The following PCDHGA7 variants were observed in gnomAD, a reference collection of about 807,000 sequenced individuals.
The protein encoded by PCDHGA7 is protocadherin gamma-A7.
Under a neutral mutation model 58.3 loss-of-function variants are expected in PCDHGA7, and 44 were observed. The observed-to-expected ratio is 0.75, with a 90% CI of 0.59 to 0.97. The LOEUF (loss-of-function observed/expected upper bound fraction) is 0.97, where lower values mean the gene tolerates loss of function less well. Among genes scored for constraint, PCDHGA7 ranks in the 50% least tolerant of loss-of-function variants. The pLI is 0.00. For synonymous variants in PCDHGA7, 516 were observed against 504.2 expected, an observed-to-expected ratio of 1.02 and a Z score of -0.31; for missense variants, 1,266 against 1,188.7, an observed-to-expected ratio of 1.06 and a Z score of -0.96.
intron 1 of PCDHGA7, chr5:141,422,878 C>T: frequency 6.2e-7 from 1 of 1,614,264 alleles, no homozygotes; most frequent in African/African-American, 1.3e-5. Flanking sequence ...GTCGCTGAGC[C>T]TGTTCGTGCT....
At chr5:141,402,398 ATTG>A (rs1159125909) in intron 1 of PCDHGA7, among the ~76,000 whole-genome samples, 19 of 152,216 alleles carry the variant, frequency 1.2e-4, no homozygotes, top group African/African-American at 4.6e-4. Context: ...ACTTCAGAAA[ATTG>A]TTAAGATACA....
chr5:141,457,413 A>C (rs939244132), intron 1 of PCDHGA7, among the ~76,000 whole-genome samples: 6 of 152,142 alleles, frequency 3.9e-5, no homozygotes, highest in Non-Finnish European at 5.9e-5. Flanking sequence ...CACATTACCC[A>C]TCCCTTTTTC....
Position 141,390,256 on chromosome 5 carries a change from A to G in PCDHGA7, c.2424+4933A>G, listed in dbSNP as rs2150415347. On this transcript the variant is annotated intron_variant, in intron 1 of 3. Coordinates refer to ENST00000518325, the MANE Select transcript of PCDHGA7 (RefSeq NM_018920.4). ...TCTGGGGCCTTATTTCCACTTTGTAATTCCAGTGAATTGACTTCCCATCAG... is the reference window on the plus strand; with the variant it reads ...TCTGGGGCCTTATTTCCACTTTGTAGTTCCAGTGAATTGACTTCCCATCAG... 6 of 1,614,022 alleles carry G rather than the reference A, an allele frequency of 3.7e-6. No homozygotes were observed. The East Asian group carries it at 1.3e-4, about 36-fold the overall frequency.
chr5:141,431,879 C>T lies in PCDHGA7; in HGVS notation c.2424+46556C>T. 1 of 1,614,162 alleles carries T rather than the reference C, an allele frequency of 6.2e-7. No individual in the cohort carries two copies. The highest frequency in any genetic ancestry group is 8.5e-7 in the Non-Finnish European group (1 of 1,179,970). ...AATTGCCCTTTTAAATGTAAATGAC[C>T]AAGATTCTGAGGAAAACGGACAGGT... On this transcript the variant is annotated intron_variant, in intron 1 of 3. Coordinates refer to ENST00000518325, the MANE Select transcript of PCDHGA7 (RefSeq NM_018920.4). The surrounding 1 kb of genome is among the most constrained non-coding windows in gnomAD (Gnocchi z 4.8).
chr5:141,494,323 A>T (rs1188768690), intron 1 of PCDHGA7, among the ~76,000 whole-genome samples: 1 of 152,210 alleles, frequency 6.6e-6, no homozygotes, highest in Non-Finnish European at 1.5e-5. Flanking sequence ...CCTGGCACCA[A>T]AAGGGTTACC....
chr5:141,404,952 G>T, intron 1 of PCDHGA7: 1 of 1,614,030 alleles, frequency 6.2e-7, no homozygotes, highest in Non-Finnish European at 8.5e-7. Flanking sequence ...ATAGCTGACA[G>T]CATCCCAGAC....
chr5:141,498,971 G>GGGAAGGAAGGAAGGAAGGAA (rs201769957), intron 2 of PCDHGA7, among the ~76,000 whole-genome samples: 36 of 111,052 alleles, frequency 3.2e-4, no homozygotes, highest in African/African-American at 9.0e-4. Context: ...GAGGGAGGGA[G>GGGAAGGAAGGAAGGAAGGAA]GGAAGGAAGG....
intron 1 of PCDHGA7, among the ~76,000 whole-genome samples, chr5:141,434,345 G>C (rs1254991411): frequency 1.3e-5 from 2 of 152,144 alleles, no homozygotes; most frequent in African/African-American, 4.8e-5. Flanking sequence ...GTCGGGAACA[G>C]GCCCCCCAAA....
In PCDHGA7 at chr5:141,383,733, A is replaced by T. The variant is rs770047743; in HGVS notation, c.834A>T (p.Thr278=). 1.2e-6 allele frequency: 2 copies of T among 1,613,886 alleles called. No individual in the cohort carries two copies. Among genetic ancestry groups the T allele is most frequent in the African/African-American group, 2.7e-5 (2 of 74,948 alleles). Residue 278 remains threonine, a synonymous_variant, in exon 1 of 4, where the codon ACA becomes ACT. Transcript: ENST00000518325. ...DLDEGVNGEV[T]YSFRKITPKL... ...ACGAGGGAGTCAATGGGGAAGTGAC[A>T]TATTCTTTTCGGAAAATAACTCCTA...
chr5:141,466,148 G>A (rs1201643685), intron 1 of PCDHGA7, among the ~76,000 whole-genome samples: 1 of 151,814 alleles, frequency 6.6e-6, no homozygotes, highest in Non-Finnish European at 1.5e-5. Flanking sequence ...GAAAACTCTG[G>A]TCTTAAACTG....
rs749645155 is a variant in PCDHGA7 at position 141,414,214 on chromosome 5, A to G, written c.2424+28891A>G. On this transcript the variant is annotated intron_variant, in intron 1 of 3. Transcript: ENST00000518325. ...GATTACAGTAGAAGATGTAAATGAC[A>G]ACAGTCCAGAGCTGACCATCACGTC... 6.2e-6 allele frequency: 10 copies of G among 1,613,126 alleles called. No homozygotes were observed. The South Asian group carries it at 9.9e-5, about 16-fold the overall frequency.
chr5:141,502,246 T>A (rs1449536622), intron 2 of PCDHGA7, among the ~76,000 whole-genome samples: 1 of 152,206 alleles, frequency 6.6e-6, no homozygotes, highest in African/African-American at 2.4e-5. Flanking sequence ...TTTATCCTTT[T>A]TTTTAATCCA....
chr5:141,414,843 G>T (rs2095794241), intron 1 of PCDHGA7: 1 of 1,614,100 alleles, frequency 6.2e-7, no homozygotes, highest in Admixed American at 1.7e-5. Context: ...GCCTGTTTGT[G>T]CTGGACCAGA....
rs1175280816 is a variant in PCDHGA7 at position 141,511,121 on chromosome 5, C to T, written c.2747C>T (p.Pro916Leu). 2 of 1,614,102 alleles carry T rather than the reference C, an allele frequency of 1.2e-6. No homozygotes were observed. Among genetic ancestry groups the T allele is most frequent in the African/African-American group, 1.3e-5 (1 of 74,938 alleles). Residue 916 changes from proline (P) to leucine (L), a missense_variant, in exon 4 of 4, where the codon CCA becomes CTA. Transcript: ENST00000518325. ...GCTGGCAAGCGGGATGGCAAGGCCCCAGCAGGTGGCAATGGCAACAAGAAG... is the reference window on the plus strand; with the variant it reads ...GCTGGCAAGCGGGATGGCAAGGCCCTAGCAGGTGGCAATGGCAACAAGAAG... ...NAAGKRDGKA[P>L]AGGNGNKKKS...
chr5:141,418,891 C>G (rs774546487), intron 1 of PCDHGA7: 4 of 1,613,842 alleles, frequency 2.5e-6, no homozygotes, highest in East Asian at 2.2e-5. Context: ...ACGACAACAG[C>G]CCAGAAATAA....
chr5:141,413,788 G>T (rs2095678300), intron 1 of PCDHGA7: 1 of 1,613,166 alleles, frequency 6.2e-7, no homozygotes, highest in African/African-American at 1.3e-5. Flanking sequence ...GCACTCCCTA[G>T]ATCGCGAGGA....
intron 1 of PCDHGA7, chr5:141,419,118 T>C: frequency 6.2e-7 from 1 of 1,613,806 alleles, no homozygotes; most frequent in South Asian, 1.1e-5. Context: ...GAGTACAACG[T>C]CACCATCGCA....
Position 141,490,800 on chromosome 5 carries a change from TACCTTTG to T in PCDHGA7, c.2425-4004_2425-3998del, listed in dbSNP as rs763340907. Reference sequence around the variant, plus strand: ...AGGATGGACGGATCTTTGCCCAGCGTACCTTTGACTATGAATTGCTGCAGATGCTGCA... The same window carrying T: ...AGGATGGACGGATCTTTGCCCAGCGTACTATGAATTGCTGCAGATGCTGCA... On this transcript the variant is annotated intron_variant, in intron 1 of 3. Transcript: ENST00000518325. The surrounding 1 kb of genome is among the most constrained non-coding windows in gnomAD (Gnocchi z 5.4). 2.5e-6 allele frequency: 4 copies of T among 1,613,968 alleles called. No homozygotes were observed. The highest frequency in any genetic ancestry group is 1.7e-6 in the Non-Finnish European group (2 of 1,179,894).
At position 141,384,434 on chromosome 5, in the gene PCDHGA7, G is replaced by A; in HGVS notation, c.1535G>A (p.Gly512Glu). ...SSYVSINSDT[G>E]VLYALQSFDY... ...TATGTCTCCATAAACTCTGACACTG[G>A]AGTCCTGTACGCGCTGCAATCCTTT... The change falls in exon 1 of 4, where the codon GGA (glycine) becomes GAA (glutamate). Residue 512 changes from glycine to glutamate, a missense_variant. Gly to Glu is a moderately conservative substitution (Grantham distance 98). Transcript: ENST00000518325. 1 of 1,614,024 alleles carries A rather than the reference G, an allele frequency of 6.2e-7. No individual in the cohort carries two copies. Among genetic ancestry groups the A allele is most frequent in the Non-Finnish European group, 8.5e-7 (1 of 1,179,910 alleles).
Sources: allele counts gnomAD v4.1 joint callset (sites outside exome capture counted in the v4.1 genomes callset), GRCh38; gene constraint gnomAD v4.1.1; non-coding constraint Gnocchi (gnomAD v3.1); transcripts MANE v1.5; gene names NCBI Gene and HGNC (gene_info 2026-07-23, HGNC 2026-07-21).